MTAP: variants seen among roughly 807,000 people sequenced by gnomAD.
The protein encoded by MTAP is methylthioadenosine phosphorylase.
A neutral mutation model predicts 33.6 loss-of-function variants in MTAP; 33 were observed. That is an observed-to-expected ratio of 0.98 (90% CI 0.74 to 1.31). The LOEUF is 1.31. MTAP is among the 40% of genes most tolerant of loss of function. The pLI is 0.00. For missense variants in MTAP, 367 were observed against 360.0 expected, an observed-to-expected ratio of 1.02 and a Z score of -0.16; for synonymous variants, 148 against 125.7, an observed-to-expected ratio of 1.18 and a Z score of -1.19.
intron 1 of MTAP, among the ~76,000 whole-genome samples, chr9:21,808,409 A>C (rs1286084249): frequency 1.5e-5 from 2 of 133,560 alleles, no homozygotes; most frequent in Non-Finnish European, 3.1e-5. Flanking sequence ...GCATGGTGAA[A>C]CCTCATCTCT....
intron 1 of MTAP, among the ~76,000 whole-genome samples, chr9:21,874,217 T>G (rs553651916): frequency 6.6e-6 from 1 of 152,318 alleles, no homozygotes; most frequent in South Asian, 2.1e-4. Flanking sequence ...AATTACTTCA[T>G]AGACAATCTG....
chr9:21,833,691 CTTG>C (rs1300810832), intron 4 of MTAP, among the ~76,000 whole-genome samples: 1 of 152,140 alleles, frequency 6.6e-6, no homozygotes, highest in Non-Finnish European at 1.5e-5. Flanking sequence ...CATGTTGGGG[CTTG>C]TTGTGGATAC....
At chr9:21,873,261 C>T (rs1315912487) in intron 1 of MTAP, among the ~76,000 whole-genome samples, 3 of 152,116 alleles carry the variant, frequency 2.0e-5, no homozygotes, top group Non-Finnish European at 4.4e-5. Context: ...AGACTGTAGG[C>T]GTCTATAAAC....
At chr9:21,850,414 G>T (rs1825483114) in intron 5 of MTAP, among the ~76,000 whole-genome samples, 1 of 152,144 alleles carries the variant, frequency 6.6e-6, no homozygotes, top group Non-Finnish European at 1.5e-5. Context: ...TCTATTGAGT[G>T]ACCCAAAAGG....
intron 5 of MTAP, among the ~76,000 whole-genome samples, chr9:21,841,144 C>A (rs1194385022): frequency 6.6e-6 from 1 of 152,194 alleles, no homozygotes; most frequent in African/African-American, 2.4e-5. Context: ...CCTGCCCCAA[C>A]CTGATGGTAT....
chr9:21,865,962 A>G lies in MTAP; in HGVS notation c.*3948A>G. On this transcript the variant is annotated 3_prime_UTR_variant, in exon 8 of 8. Transcript: ENST00000644715. The stretch of plus-strand genomic sequence containing the variant: ...GGAATTTTATGAATAAAGCTGCTAT[A>G]AGCATGAAATTACAAGTCTTTTTGT... 1 of 223,022 alleles carries G rather than the reference A, an allele frequency of 4.5e-6. No individual in the cohort carries two copies. The allele number at this position is 223,022 out of a possible 1,614,324, so 13.8% of individuals were successfully genotyped here. A position where few individuals can be genotyped will look rare whatever the true frequency, so the allele number is the denominator to read the frequency against.
rs925257728 is a variant in MTAP at position 21,863,784 on chromosome 9, G to C, written c.*1770G>C. 7.1e-6 allele frequency: 7 copies of C among 985,634 alleles called. No individual in the cohort carries two copies. The highest frequency in any genetic ancestry group is 7.2e-6 in the Non-Finnish European group (6 of 829,872). The allele number at this position is 985,634 out of a possible 1,614,324, so 61.1% of individuals were successfully genotyped here. On this transcript the variant is annotated 3_prime_UTR_variant, in exon 8 of 8. Coordinates refer to ENST00000644715, the MANE Select transcript of MTAP (RefSeq NM_002451.4). ...TTTAAAGAGTTTGTAAAGTCAATGT[G>C]TTTGTTTGTGTCTCTGAGATTGACT...
intron 1 of MTAP, among the ~76,000 whole-genome samples, chr9:21,927,358 C>T (rs1464710738): frequency 6.6e-6 from 1 of 152,110 alleles, no homozygotes; most frequent in African/African-American, 2.4e-5. Context: ...CCTGACATTC[C>T]AACTAATAGG....
At chr9:21,899,545 G>A (rs936160831) in intron 1 of MTAP, among the ~76,000 whole-genome samples, 1 of 152,134 alleles carries the variant, frequency 6.6e-6, no homozygotes, top group Admixed American at 6.5e-5. Context: ...GGAGGCCTCA[G>A]GAAACTTACA....
chr9:21,913,038 A>G lies in MTAP; in HGVS notation c.148-17970A>G, dbSNP rs558658047. On this transcript the variant is annotated intron_variant, in intron 1 of 1. Transcript: ENST00000577563. Reference sequence around the variant, plus strand: ...TGAACTCCCATTCACAATTGCTTCAAAGAGAATAAAATACCTAGGAATCCA... The same window carrying G: ...TGAACTCCCATTCACAATTGCTTCAGAGAGAATAAAATACCTAGGAATCCA... Among the ~76,000 whole-genome samples, 286 of 152,318 alleles carry G rather than the reference A, an allele frequency of 1.9e-3. 1 individual carries two copies. Among genetic ancestry groups the G allele is most frequent in the Admixed American group, 5.0e-3 (77 of 15,296 alleles).
chr9:21,905,107 C>T (rs1355969555), intron 1 of MTAP, among the ~76,000 whole-genome samples: 1 of 152,184 alleles, frequency 6.6e-6, no homozygotes, highest in East Asian at 1.9e-4. Flanking sequence ...TGTTAATCAG[C>T]TCAATTAGAC....
intron 1 of MTAP, among the ~76,000 whole-genome samples, chr9:21,899,937 C>G (rs539646649): frequency 1.3e-5 from 2 of 152,226 alleles, no homozygotes; most frequent in South Asian, 2.1e-4. Context: ...GGAAAGGACT[C>G]CCTATTCAAT....
chr9:21,895,345 G>A (rs1310303880), intron 1 of MTAP, among the ~76,000 whole-genome samples: 7 of 152,126 alleles, frequency 4.6e-5, no homozygotes, highest in Non-Finnish European at 1.0e-4. Flanking sequence ...CTGCTATAAA[G>A]AACTGCCCCA....
chr9:21,842,557 A>T (rs1464860132), intron 5 of MTAP, among the ~76,000 whole-genome samples: 1 of 152,236 alleles, frequency 6.6e-6, no homozygotes, highest in African/African-American at 2.4e-5. Context: ...CAGACTTCTC[A>T]GCAGAAATCT....
intron 1 of MTAP, among the ~76,000 whole-genome samples, chr9:21,879,488 T>A: frequency 6.6e-6 from 1 of 152,062 alleles, no homozygotes; most frequent in Admixed American, 6.6e-5. Flanking sequence ...TGCCACTGAA[T>A]CTTGTTTTTT....
chr9:21,865,248 T>G lies in MTAP; in HGVS notation c.*3234T>G, dbSNP rs775997252. 5 of 445,440 alleles carry G rather than the reference T, an allele frequency of 1.1e-5. No individual in the cohort carries two copies. The highest frequency in any genetic ancestry group is 1.5e-5 in the Non-Finnish European group (5 of 336,492). The allele number at this position is 445,440 out of a possible 1,614,324, so 27.6% of individuals were successfully genotyped here. A position where few individuals can be genotyped will look rare whatever the true frequency, so the allele number is the denominator to read the frequency against. ...AAGTCCTGTTTGTTTTATAAGGGGCTTTTCCCCCTTTTGCTCAACACTTCT... is the reference window on the plus strand; with the variant it reads ...AAGTCCTGTTTGTTTTATAAGGGGCGTTTCCCCCTTTTGCTCAACACTTCT... On this transcript the variant is annotated 3_prime_UTR_variant, in exon 8 of 8. Coordinates refer to ENST00000644715, the MANE Select transcript of MTAP (RefSeq NM_002451.4).
At chr9:21,836,417 G>C (rs1410226947) in intron 4 of MTAP, among the ~76,000 whole-genome samples, 2 of 152,156 alleles carry the variant, frequency 1.3e-5, no homozygotes, top group Non-Finnish European at 2.9e-5. Context: ...GGTGGGGATA[G>C]ACAGGAGATG....
chr9:21,811,075 G>T (rs541487502), intron 1 of MTAP, among the ~76,000 whole-genome samples: 1 of 152,372 alleles, frequency 6.6e-6, no homozygotes, highest in South Asian at 2.1e-4. Flanking sequence ...AGATCGGGCT[G>T]TGCCAGCTCC....
intron 1 of MTAP, among the ~76,000 whole-genome samples, chr9:21,886,565 C>A (rs1818114583): frequency 6.6e-6 from 1 of 151,980 alleles, no homozygotes; most frequent in Non-Finnish European, 1.5e-5. Context: ...TGTTATCTTC[C>A]AGAATTTTTA....
Sources: gnomAD v4.1 joint callset for allele counts (sites outside exome capture counted in the v4.1 genomes callset) on GRCh38, gnomAD v4.1.1 for gene constraint, MANE v1.5 for transcripts, NCBI Gene and HGNC (gene_info 2026-07-23, HGNC 2026-07-21) for gene names.